ZNF335: variants seen among roughly 807,000 people sequenced by gnomAD.
The protein encoded by ZNF335 is NRC-interacting factor 1.
In ZNF335, 84 loss-of-function variants were observed where a neutral mutation model predicts 145.6. The ratio of observed to expected loss-of-function variants is 0.58; its 90% CI spans 0.48 to 0.69. ZNF335 has a LOEUF of 0.69. Among genes scored for constraint, ZNF335 ranks in the 30% least tolerant of loss-of-function variants. ZNF335 has a pLI of 0.00. For synonymous variants in ZNF335, 761 were observed against 717.0 expected (o/e 1.06, Z -0.98); for missense variants, 1,865 against 1,809.7 (o/e 1.03, Z -0.55).
chr20:45,966,273 T>G (rs541986791), intron 6 of ZNF335, among the ~76,000 whole-genome samples: 9 of 151,870 alleles, frequency 5.9e-5, no homozygotes, highest in African/African-American at 1.5e-4. Context: ...AGAGACAGGA[T>G]TTCACCGTGT....
Position 45,967,073 on chromosome 20 carries a change from G to C in ZNF335, c.955+421C>G, listed in dbSNP as rs1005518465. 4.1e-5 allele frequency: 8 copies of C among 192,988 alleles called. No individual in the cohort carries two copies. The East Asian group carries it at 8.5e-4, about 20-fold the overall frequency. 12.0% of individuals were successfully genotyped at this position (192,988 alleles called of 1,614,324 possible). On this transcript the variant is annotated intron_variant, in intron 6 of 27. Transcript: ENST00000322927. Reference sequence around the variant, plus strand: ...CATGTTGTCCAGGCTGGGAGAACCCGTTTCTACAAAAATTAAAAAATTAGC... The same window carrying C: ...CATGTTGTCCAGGCTGGGAGAACCCCTTTCTACAAAAATTAAAAAATTAGC...
chr20:45,966,247 T>G (rs2083950598), intron 6 of ZNF335, among the ~76,000 whole-genome samples: 1 of 152,092 alleles, frequency 6.6e-6, no homozygotes. Flanking sequence ...ATTTTTTTTT[T>G]TTTTGGTATT....
intron 7 of ZNF335, chr20:45,964,351 CCAGAATGG>C (rs1237895642): frequency 2.0e-5 from 4 of 201,884 alleles, no homozygotes; most frequent in African/African-American, 9.2e-5. Context: ...CCAAGGGAGG[CCAGAATGG>C]CGGCTTTGGT....
At chr20:45,965,907 G>T in intron 6 of ZNF335, 133 bp from the exon 7 acceptor site, 2 of 1,115,280 alleles carry the variant, frequency 1.8e-6, no homozygotes, top group Non-Finnish European at 2.4e-6. Context: ...CCTCCAGAAA[G>T]CCCTCCTGAT....
At chr20:45,950,859 T>C (rs952933168) in intron 20 of ZNF335, among the ~76,000 whole-genome samples, 25 of 152,116 alleles carry the variant, frequency 1.6e-4, no homozygotes, top group African/African-American at 5.8e-4. Flanking sequence ...ACACAGGTGT[T>C]AGATGAGGGG....
In ZNF335 at chr20:45,965,711, G is replaced by C. The variant is rs2083939889; in HGVS notation, c.1019C>G (p.Pro340Arg). Residue 340 changes from proline (P) to arginine (R), a missense_variant, in exon 7 of 28, where the codon CCC (proline) becomes CGC (arginine). Physicochemically the swap from Pro to Arg is moderately radical, Grantham distance 103. Coordinates refer to ENST00000322927, the MANE Select transcript of ZNF335 (RefSeq NM_022095.4). ...TCGGGGCCTTGGGGTACTGGGGGTG[G>C]GGCGCTGGAGCCGAAGCTGCCGGCC... The part of the protein sequence containing the change: ...PRGRQLRLQR[P>R]TPSTPRPRRR... 10 of 1,605,552 alleles carry C rather than the reference G, an allele frequency of 6.2e-6. No homozygotes were observed. The highest frequency in any genetic ancestry group is 8.5e-6 in the Non-Finnish European group (10 of 1,176,438).
chr20:45,967,351 A>G (rs2083974161), intron 6 of ZNF335, 143 bp downstream of exon 6: 1 of 1,317,658 alleles, frequency 7.6e-7, no homozygotes. Context: ...CTGGTCCCAG[A>G]GCACAACCTC....
At chr20:45,971,917 T>C (rs2145427742) in intron 1 of ZNF335, 1 of 985,416 alleles carries the variant, frequency 1.0e-6, no homozygotes, top group Middle Eastern at 5.2e-4. Context: ...TCCCCGGCGC[T>C]GCCTGTGCTC....
rs1184628698 is a variant in ZNF335, at chr20:45,971,856, C to T, written c.-51+266G>A. On this transcript the variant is annotated intron_variant, in intron 1 of 27. Transcript: ENST00000322927. ...AGTGGTTCGCTCCCCCCCGGTTCCC[C>T]TGCGGAGGCGGCTGACAGCGACGGT... The T allele has an allele frequency of 4.1e-6, 4 of 985,316 alleles. No individual in the cohort carries two copies. In the Admixed American group the frequency reaches 2.5e-4, roughly 61 times the overall value. The allele number at this position is 985,316 out of a possible 1,614,324, so 61.0% of individuals were successfully genotyped here.
chr20:45,959,939 C>T (rs963496374), intron 14 of ZNF335, among the ~76,000 whole-genome samples: 4 of 152,220 alleles, frequency 2.6e-5, no homozygotes, highest in African/African-American at 9.6e-5. Flanking sequence ...ATGGCAGGCA[C>T]TCTGATTCCC....
chr20:45,962,490 G>A (rs576238165), intron 9 of ZNF335, among the ~76,000 whole-genome samples: 2 of 152,304 alleles, frequency 1.3e-5, no homozygotes, highest in African/African-American at 2.4e-5. Context: ...GCATGGCGCC[G>A]CAGCCTCCAC....
rs760460722 is a variant in ZNF335, at chr20:45,971,329, C to G, written c.82G>C (p.Gly28Arg). The G allele has an allele frequency of 1.9e-6, 3 of 1,598,084 alleles. No homozygotes were observed. In the South Asian group the frequency reaches 3.3e-5, roughly 18 times the overall value. The change falls in exon 2 of 28, where the codon GGT (glycine) becomes CGT (arginine). Residue 28 changes from glycine to arginine, a missense_variant. Gly to Arg is a moderately radical substitution (Grantham distance 125, BLOSUM62 -2). Coordinates refer to ENST00000322927, the MANE Select transcript of ZNF335 (RefSeq NM_022095.4). ...RPEEPSESGL[G>R]VGTSEAVSAD... ...GACACGGCTTCTGAGGTGCCCACAC[C>G]CAGGCCGCTCTCAGAGGGCTCCTCG... is the stretch of plus-strand genomic sequence containing the variant.
At chr20:45,958,612 C>CT (rs1209515412) in intron 15 of ZNF335, among the ~76,000 whole-genome samples, 4 of 152,232 alleles carry the variant, frequency 2.6e-5, no homozygotes, top group African/African-American at 7.2e-5. Context: ...TAACAGAACT[C>CT]TGATTTTCAC....
At chr20:45,964,563 G>A (rs1227698826) in intron 7 of ZNF335, 2 of 152,394 alleles carry the variant, frequency 1.3e-5, no homozygotes, top group East Asian at 3.8e-4. Flanking sequence ...TATTAAATAT[G>A]TACTAGACAA....
intron 11 of ZNF335, 53 bp downstream of exon 11, chr20:45,960,811 C>G: frequency 1.2e-6 from 2 of 1,613,894 alleles, no homozygotes. Flanking sequence ...GTCCTCACCC[C>G]CATAAACAAC....
At position 45,971,115 on chromosome 20, in the gene ZNF335, G is replaced by T; in HGVS notation, c.201+95C>A. On this transcript the variant is annotated intron_variant, in intron 2 of 27. Coordinates refer to ENST00000322927, the MANE Select transcript of ZNF335 (RefSeq NM_022095.4). Reference sequence around the variant, plus strand: ...GCTCACAGTAAACCAGAAACACCAAGTATTAGCTACAAACAAGCCTTGTTT... The same window carrying T: ...GCTCACAGTAAACCAGAAACACCAATTATTAGCTACAAACAAGCCTTGTTT... 1.3e-5 allele frequency: 18 copies of T among 1,435,380 alleles called. No homozygotes were observed. In the South Asian group the frequency reaches 2.4e-4, roughly 19 times the overall value. The allele number at this position is 1,435,380 out of a possible 1,614,324, so 88.9% of individuals were successfully genotyped here.
chr20:45,949,173 T>G lies in ZNF335; in HGVS notation c.3898A>C (p.Thr1300Pro). ...TCCTCAGGATCCAGCTCCATACCTG[T>G]GACAGCTGAGTGTGCTGCAGCCTCA... ...QLEAAAHSAV[T>P]AVADAAMAQA... is the part of the protein sequence containing the mutation. The change falls in exon 27 of 28, where the codon ACA becomes CCA. Residue 1300 changes from threonine (T) to proline (P), a missense_variant. Coordinates refer to ENST00000322927, the MANE Select transcript of ZNF335 (RefSeq NM_022095.4). The G allele has an allele frequency of 6.2e-7, 1 of 1,613,722 alleles. No individual in the cohort carries two copies. Among genetic ancestry groups the G allele is most frequent in the Non-Finnish European group, 8.5e-7 (1 of 1,179,964 alleles).
intron 1 of ZNF335, chr20:45,971,670 G>A: frequency 1.0e-6 from 1 of 985,498 alleles, no homozygotes; most frequent in Non-Finnish European, 1.2e-6. Flanking sequence ...TCCCGGGAGG[G>A]TGGTCAATGG....
intron 15 of ZNF335, among the ~76,000 whole-genome samples, 156 bp downstream of exon 15, chr20:45,959,045 T>C (rs185810335): frequency 1.3e-5 from 2 of 152,366 alleles, no homozygotes; most frequent in Admixed American, 1.3e-4. Flanking sequence ...AAGCCACCCT[T>C]ACTCTAAGCT....
Sources: allele counts gnomAD v4.1 joint callset (sites outside exome capture counted in the v4.1 genomes callset), GRCh38; gene constraint gnomAD v4.1.1; transcripts MANE v1.5; gene names NCBI Gene and HGNC (gene_info 2026-07-23, HGNC 2026-07-21).